Variants in SYNE1 observed in about 807,000 individuals in gnomAD.
SYNE1 encodes spectrin repeat containing nuclear envelope protein 1, also known as nesprin-1.
Under a neutral mutation model 1,111.0 loss-of-function variants are expected in SYNE1, and 616 were observed. The observed-to-expected ratio is 0.55, with a 90% CI of 0.52 to 0.59. The LOEUF (loss-of-function observed/expected upper bound fraction) is 0.59. Ranked by LOEUF, SYNE1 falls within the 20% of genes least tolerant of loss-of-function variation. The pLI is 0.00. For synonymous variants in SYNE1, 3,855 were observed against 3,825.8 expected (o/e 1.01, Z -0.28); for missense variants, 10,006 against 10,417.0 (o/e 0.96, Z 1.72).
chr6:152,210,600 A>C (rs2077348839), intron 124 of SYNE1, among the ~76,000 whole-genome samples: 1 of 152,188 alleles, frequency 6.6e-6, no homozygotes, highest in African/African-American at 2.4e-5. Context: ...AACTCTCAAT[A>C]AAAATAATTT....
At chr6:152,420,633 T>A (rs192338573) in intron 39 of SYNE1, among the ~76,000 whole-genome samples, 14 of 151,926 alleles carry the variant, frequency 9.2e-5, no homozygotes, top group Non-Finnish European at 1.8e-4. Flanking sequence ...AGAAAAAACT[T>A]CCAGGACTCT....
At chr6:152,359,206 G>A in intron 65 of SYNE1, 109 bp downstream of exon 65, 2 of 1,491,636 alleles carry the variant, frequency 1.3e-6, no homozygotes, top group Non-Finnish European at 1.9e-6. Context: ...TTTTGCTTTT[G>A]TTCTGTTTTC....
intron 102 of SYNE1, among the ~76,000 whole-genome samples, chr6:152,256,180 G>T (rs2090773114): frequency 6.6e-6 from 1 of 152,142 alleles, no homozygotes; most frequent in South Asian, 2.1e-4. Context: ...CAGCACTTTG[G>T]GAGGCTGAGG....
At chr6:152,302,265 A>G in intron 91 of SYNE1, 1 of 682,034 alleles carries the variant, frequency 1.5e-6, no homozygotes, top group Non-Finnish European at 2.5e-6. Flanking sequence ...AGGCACAGCC[A>G]AAGTGCCCGA....
chr6:152,624,271 T>C (rs2099681673), intron 3 of SYNE1, among the ~76,000 whole-genome samples: 1 of 152,162 alleles, frequency 6.6e-6, no homozygotes, highest in African/African-American at 2.4e-5. Context: ...ATTGCGTTGA[T>C]GTCACCCCAT....
intron 2 of SYNE1, among the ~76,000 whole-genome samples, chr6:152,629,623 T>C (rs966196736): frequency 2.7e-5 from 4 of 150,770 alleles, no homozygotes; most frequent in African/African-American, 9.8e-5. Flanking sequence ...AAATGTACTT[T>C]AAATAAGAAT....
chr6:152,150,802 A>T (rs2060271580), intron 135 of SYNE1, among the ~76,000 whole-genome samples: 1 of 152,242 alleles, frequency 6.6e-6, no homozygotes. Flanking sequence ...GGCATCTAAG[A>T]ATGCAGACTA....
chr6:152,443,751 C>T (rs1237164216), intron 30 of SYNE1, among the ~76,000 whole-genome samples: 1 of 152,110 alleles, frequency 6.6e-6, no homozygotes, highest in Non-Finnish European at 1.5e-5. Context: ...TAGAATTTTT[C>T]ATTAAAATAT....
intron 3 of SYNE1, among the ~76,000 whole-genome samples, chr6:152,597,888 A>T (rs545695177): frequency 3.3e-5 from 5 of 152,144 alleles, no homozygotes; most frequent in African/African-American, 1.2e-4. Context: ...TATCATGATG[A>T]TTTTTATAAA....
At position 152,143,027 on chromosome 6, in the gene SYNE1, A is replaced by T. The variant is rs145377435; in HGVS notation, c.25119+596T>A. 4.9e-4 allele frequency among the ~76,000 whole-genome samples: 74 copies of T among 152,312 alleles called. 1 individual carries two copies. The Middle Eastern group carries it at 0.01, about 21-fold the overall frequency. The stretch of plus-strand genomic sequence containing the variant: ...TCTAGGGAAAATTAACTGGTCAGTA[A>T]CTCGAGTAGGGCAAATAACCCTCTG... On this transcript the variant is annotated intron_variant, in intron 138 of 145. Transcript: ENST00000367255.
At position 152,259,004 on chromosome 6, in the gene SYNE1, CA is replaced by C. The variant is rs1018773589; in HGVS notation, c.18973-2240del. ...ATGTGATCCGCCCGCCTCAGCCTCC[CA>C]AAGTGTTGGGATTACAGGTGTGAGC... On this transcript the variant is annotated intron_variant, in intron 101 of 145. Coordinates refer to ENST00000367255, the MANE Select transcript of SYNE1 (RefSeq NM_182961.4). Among the ~76,000 whole-genome samples the C allele has an allele frequency of 3.9e-5, 6 of 152,230 alleles. No homozygotes were observed. The East Asian group carries it at 1.2e-3, about 29-fold the overall frequency.
chr6:152,575,486 A>G (rs1257452924), intron 3 of SYNE1, among the ~76,000 whole-genome samples: 1 of 152,220 alleles, frequency 6.6e-6, no homozygotes, highest in East Asian at 1.9e-4. Context: ...CAAAAACCAC[A>G]GCTTTAGAAT....
At chr6:152,609,115 G>A (rs951231161) in intron 3 of SYNE1, among the ~76,000 whole-genome samples, 3 of 151,974 alleles carry the variant, frequency 2.0e-5, no homozygotes, top group Non-Finnish European at 4.4e-5. Flanking sequence ...ATTGGGACTG[G>A]TTGGACAGCA....
At chr6:152,348,359 G>T (rs980490858) in intron 72 of SYNE1, among the ~76,000 whole-genome samples, 2 of 152,124 alleles carry the variant, frequency 1.3e-5, no homozygotes, top group Admixed American at 6.6e-5. Context: ...CATTCTTATA[G>T]ATGACTCAGG....
chr6:152,537,109 G>A (rs2099247024), intron 4 of SYNE1, among the ~76,000 whole-genome samples: 1 of 152,010 alleles, frequency 6.6e-6, no homozygotes, highest in Non-Finnish European at 1.5e-5. Context: ...GAAAGATACT[G>A]GTTTCTTCTT....
In SYNE1 at chr6:152,390,440, T is replaced by G; in HGVS notation, c.8017A>C (p.Met2673Leu). 6.2e-7 allele frequency: 1 copy of G among 1,613,988 alleles called. No individual in the cohort carries two copies. The highest frequency in any genetic ancestry group is 1.1e-5 in the South Asian group (1 of 91,082). The change falls in exon 53 of 146, where the codon ATG becomes CTG. Residue 2673 changes from methionine to leucine, a missense_variant. Met to Leu is a conservative substitution (Grantham distance 15, BLOSUM62 2). Coordinates refer to ENST00000367255, the MANE Select transcript of SYNE1 (RefSeq NM_182961.4). ...AACTTAACTTCCCCTTCACCTTTCA[T>G]CAGGAGAATATCCTGGGAAGGAAGA... ...RLSQIQDILL[M>L]KGEGEVKLNM...
At position 152,309,832 on chromosome 6, in the gene SYNE1, T is replaced by C; in HGVS notation, c.17202+3A>G. ...TCTACTGGTGTGGGTACCCTGCACC[T>C]GCCTGCATGATGTTACACTGCTGGA... On this transcript the variant is annotated splice_donor_region_variant and intron_variant, in intron 90 of 145. Transcript: ENST00000367255. 6.2e-7 allele frequency: 1 copy of C among 1,613,700 alleles called. No individual in the cohort carries two copies. The highest frequency in any genetic ancestry group is 8.5e-7 in the Non-Finnish European group (1 of 1,180,020).
intron 3 of SYNE1, among the ~76,000 whole-genome samples, chr6:152,556,318 G>A (rs2099364938): frequency 6.6e-6 from 1 of 152,152 alleles, no homozygotes; most frequent in Non-Finnish European, 1.5e-5. Context: ...GCATACCATG[G>A]AGAGATAACT....
At chr6:152,415,935 AT>A (rs1339037036) in intron 41 of SYNE1, among the ~76,000 whole-genome samples, 1 of 152,158 alleles carries the variant, frequency 6.6e-6, no homozygotes, top group African/African-American at 2.4e-5. Flanking sequence ...AGAAATAAAT[AT>A]GAAATTACAG....
Sources: allele counts gnomAD v4.1 joint callset (sites outside exome capture counted in the v4.1 genomes callset), GRCh38; gene constraint gnomAD v4.1.1; transcripts MANE v1.5; gene names NCBI Gene and HGNC (gene_info 2026-07-23, HGNC 2026-07-21).